TBC1D19: variants seen among roughly 807,000 people sequenced by gnomAD.
TBC1D19 encodes the protein TBC1 domain family, member 19.
Under a neutral mutation model 89.0 loss-of-function variants are expected in TBC1D19, and 60 were observed. The ratio of observed to expected loss-of-function variants is 0.67; its 90% CI spans 0.55 to 0.84. The LOEUF is 0.84. TBC1D19 is among the 40% of genes least tolerant of loss of function. The pLI, the probability that TBC1D19 is intolerant of heterozygous loss-of-function variation, is 0.00. For synonymous variants in TBC1D19, 189 were observed against 199.7 expected (o/e 0.95, Z 0.45); for missense variants, 500 against 610.8 (o/e 0.82, Z 1.91).
At position 26,755,204 on chromosome 4, in the gene TBC1D19, A is replaced by C. The variant is rs181892570; in HGVS notation, c.*257A>C. On this transcript the variant is annotated 3_prime_UTR_variant, in exon 21 of 21. Coordinates refer to ENST00000264866, the MANE Select transcript of TBC1D19 (RefSeq NM_018317.4). ...CTAAATTGAGCATTATATATATAAT[A>C]TTATAATATATATATAATCCTGACT... 1.3e-3 allele frequency: 198 copies of C among 157,618 alleles called. No homozygotes were observed. The highest frequency in any genetic ancestry group is 2.0e-3 in the Non-Finnish European group (143 of 72,766). The allele number at this position is 157,618 out of a possible 1,614,324, so 9.8% of individuals were successfully genotyped here. A position where few individuals can be genotyped will look rare whatever the true frequency, so the allele number is the denominator to read the frequency against.
At chr4:26,700,885 G>T (rs936711139) in intron 13 of TBC1D19, among the ~76,000 whole-genome samples, 1 of 152,118 alleles carries the variant, frequency 6.6e-6, no homozygotes, top group African/African-American at 2.4e-5. Context: ...AGTAAAGTCA[G>T]AGTGGTCTTT....
At chr4:26,694,139 C>G (rs1255597344) in intron 13 of TBC1D19, among the ~76,000 whole-genome samples, 1 of 152,118 alleles carries the variant, frequency 6.6e-6, no homozygotes, top group Non-Finnish European at 1.5e-5. Flanking sequence ...AGGGAATTCC[C>G]TTTTCTAGCC....
intron 13 of TBC1D19, among the ~76,000 whole-genome samples, chr4:26,697,266 A>C (rs967125498): frequency 3.3e-5 from 5 of 152,240 alleles, no homozygotes; most frequent in African/African-American, 1.2e-4. Flanking sequence ...GAAGAAATGG[A>C]TAAATTCCTG....
the TBC1D19 span, among the ~76,000 whole-genome samples, chr4:26,843,427 C>T: frequency 1.3e-5 from 2 of 151,940 alleles, no homozygotes; most frequent in Admixed American, 6.6e-5. Flanking sequence ...GATTCAACAT[C>T]TCAAATAGAG....
the TBC1D19 span, among the ~76,000 whole-genome samples, chr4:26,770,828 T>C: frequency 1.3e-5 from 2 of 152,164 alleles, no homozygotes; most frequent in East Asian, 3.9e-4. Context: ...GGAAAAATCT[T>C]GAACTATTGA....
chr4:26,622,994 A>G (rs79131892), intron 4 of TBC1D19, among the ~76,000 whole-genome samples: 2,941 of 152,218 alleles, frequency 0.019, 98 homozygotes, highest in African/African-American at 0.068. Context: ...AACCATGGCC[A>G]TACTGATTAC....
the TBC1D19 span, among the ~76,000 whole-genome samples, chr4:26,795,903 A>T: frequency 5.3e-5 from 8 of 152,044 alleles, no homozygotes; most frequent in African/African-American, 1.9e-4. Context: ...GTTCCATCTT[A>T]CCCCCCACCA....
the TBC1D19 span, among the ~76,000 whole-genome samples, chr4:26,805,222 G>C: frequency 6.6e-6 from 1 of 152,244 alleles, no homozygotes; most frequent in Non-Finnish European, 1.5e-5. Context: ...GTAAGCTGTT[G>C]CTACATCATT....
intron 13 of TBC1D19, among the ~76,000 whole-genome samples, chr4:26,692,115 A>G (rs1714343302): frequency 6.6e-6 from 1 of 152,176 alleles, no homozygotes; most frequent in South Asian, 2.1e-4. Flanking sequence ...CCCCCAGATT[A>G]GCATGACAGA....
chr4:26,676,538 A>G (rs896529665), intron 11 of TBC1D19, among the ~76,000 whole-genome samples: 7 of 152,026 alleles, frequency 4.6e-5, no homozygotes, highest in Admixed American at 1.3e-4. Context: ...GCCAACGTGG[A>G]GAAACCCTGA....
intron 1 of TBC1D19, among the ~76,000 whole-genome samples, chr4:26,578,180 T>C (rs1739009444): frequency 6.6e-6 from 1 of 152,190 alleles, no homozygotes; most frequent in East Asian, 1.9e-4. Context: ...GTGCACGGCA[T>C]CTTACAGTGG....
chr4:26,662,629 C>T (rs552690432), intron 8 of TBC1D19, among the ~76,000 whole-genome samples: 11 of 152,182 alleles, frequency 7.2e-5, no homozygotes, highest in South Asian at 4.2e-4. Flanking sequence ...CACTTGAAAA[C>T]GAGAAAACTG....
chr4:26,712,153 T>C (rs1052369815), intron 13 of TBC1D19, among the ~76,000 whole-genome samples: 2 of 152,126 alleles, frequency 1.3e-5, no homozygotes, highest in Non-Finnish European at 1.5e-5. Context: ...TTTGTAAGTA[T>C]ATTTTCTTGT....
intron 1 of TBC1D19, among the ~76,000 whole-genome samples, chr4:26,605,241 C>T (rs1482027144): frequency 8.0e-6 from 1 of 124,304 alleles, no homozygotes; most frequent in Non-Finnish European, 1.6e-5. Flanking sequence ...GTGTGATGTT[C>T]CCCTTCCTGT....
the TBC1D19 span, among the ~76,000 whole-genome samples, chr4:26,793,248 T>C: frequency 2.6e-5 from 4 of 152,138 alleles, no homozygotes; most frequent in African/African-American, 9.7e-5. Flanking sequence ...GGAGACCCGC[T>C]TCTCATGGAA....
chr4:26,673,446 T>TATATATAGACACACAC (rs373807642), intron 10 of TBC1D19, among the ~76,000 whole-genome samples: 2 of 90,884 alleles, frequency 2.2e-5, no homozygotes, highest in Non-Finnish European at 4.1e-5. Flanking sequence ...TATATATATA[T>TATATATAGACACACAC]ACACACACAC....
At chr4:26,858,893 A>G in the TBC1D19 span, 1 of 152,160 alleles carries the variant, frequency 6.6e-6, no homozygotes, top group Non-Finnish European at 1.5e-5. Flanking sequence ...AAGAAAAAAA[A>G]ATACTAAATC....
At chr4:26,577,470 C>G (rs1254428583) in intron 1 of TBC1D19, among the ~76,000 whole-genome samples, 1 of 152,170 alleles carries the variant, frequency 6.6e-6, no homozygotes, top group Non-Finnish European at 1.5e-5. Flanking sequence ...CCAAACAGTC[C>G]CCTCCTGGGG....
the TBC1D19 span, among the ~76,000 whole-genome samples, chr4:26,793,006 C>T: frequency 3.3e-5 from 5 of 152,192 alleles, no homozygotes; most frequent in Non-Finnish European, 7.3e-5. Flanking sequence ...AAACTGCATC[C>T]AGCTTTTAAT....
Sources: gnomAD v4.1 joint callset for allele counts (sites outside exome capture counted in the v4.1 genomes callset) on GRCh38, gnomAD v4.1.1 for gene constraint, MANE v1.5 for transcripts, NCBI Gene and HGNC (gene_info 2026-07-23, HGNC 2026-07-21) for gene names.